Variants in PRKCH observed in about 807,000 individuals in gnomAD.
PRKCH encodes the protein protein kinase C eta type.
In PRKCH, 28 loss-of-function variants were observed where a neutral mutation model predicts 82.5. That is an observed-to-expected ratio of 0.34 (90% CI 0.25 to 0.47). PRKCH has a LOEUF of 0.47. Ranked by LOEUF, PRKCH falls within the 20% of genes least tolerant of loss-of-function variation. The pLI, the probability that PRKCH is intolerant of heterozygous loss-of-function variation, is 1.00. For missense variants in PRKCH, 705 were observed against 881.8 expected (o/e 0.80, Z 2.54); for synonymous variants, 322 against 327.4 (o/e 0.98, Z 0.18).
At chr14:61,532,931 G>C (rs921987112) in intron 12 of PRKCH, among the ~76,000 whole-genome samples, 1 of 152,162 alleles carries the variant, frequency 6.6e-6, no homozygotes, top group Non-Finnish European at 1.5e-5. Flanking sequence ...CAGCAGCTGC[G>C]ATTGTTACAT....
chr14:61,457,369 TG>T (rs72159054), intron 8 of PRKCH, 50 bp downstream of exon 8: 2 of 1,599,714 alleles, frequency 1.3e-6, no homozygotes, highest in Non-Finnish European at 1.7e-6. Context: ...GCTCTGTGTA[TG>T]GGGGGTGTGT....
At chr14:61,355,369 C>T (rs2046135001) in intron 1 of PRKCH, among the ~76,000 whole-genome samples, 1 of 151,666 alleles carries the variant, frequency 6.6e-6, no homozygotes, top group Admixed American at 6.6e-5. Flanking sequence ...TCTTCAGCAT[C>T]CCCTTTTTCC....
chr14:61,456,965 T>C (rs1884794760), intron 7 of PRKCH: 1 of 520,050 alleles, frequency 1.9e-6, no homozygotes, highest in Non-Finnish European at 3.4e-6. Flanking sequence ...TATTTTTAAT[T>C]GACCTTTTAC....
intron 10 of PRKCH, among the ~76,000 whole-genome samples, chr14:61,511,451 A>G (rs1366775785): frequency 6.6e-6 from 1 of 151,828 alleles, no homozygotes; most frequent in African/African-American, 2.4e-5. Context: ...GCAGCCCCCC[A>G]CCCAGAACTG....
intron 9 of PRKCH, among the ~76,000 whole-genome samples, chr14:61,462,500 G>C (rs1435672440): frequency 6.6e-6 from 1 of 152,174 alleles, no homozygotes; most frequent in African/African-American, 2.4e-5. Flanking sequence ...GCAAGGTATC[G>C]GACTCCACAG....
intron 10 of PRKCH, among the ~76,000 whole-genome samples, chr14:61,489,869 A>T (rs1886384273): frequency 6.6e-6 from 1 of 152,146 alleles, no homozygotes; most frequent in African/African-American, 2.4e-5. Context: ...TTAAAGGGAA[A>T]CTCAGCTGTC....
intron 1 of PRKCH, among the ~76,000 whole-genome samples, chr14:61,225,979 G>A (rs1256009368): frequency 6.6e-6 from 1 of 152,056 alleles, no homozygotes; most frequent in Non-Finnish European, 1.5e-5. Flanking sequence ...TAATCTCAGG[G>A]GTGGGAATGT....
At chr14:61,438,155 G>C (rs1212851103) in intron 2 of PRKCH, among the ~76,000 whole-genome samples, 1 of 152,100 alleles carries the variant, frequency 6.6e-6, no homozygotes, top group African/African-American at 2.4e-5. Context: ...GGGCCACCGA[G>C]CTTATAAGGG....
At chr14:61,421,787 G>A (rs966122319) in intron 2 of PRKCH, among the ~76,000 whole-genome samples, 3 of 152,212 alleles carry the variant, frequency 2.0e-5, no homozygotes, top group African/African-American at 7.2e-5. Context: ...GGCATAGGTG[G>A]TGCTGTGTGG....
chr14:61,245,244 G>A, intron 1 of PRKCH, among the ~76,000 whole-genome samples: 1 of 152,172 alleles, frequency 6.6e-6, no homozygotes, highest in East Asian at 1.9e-4. Context: ...GACAGCATAA[G>A]CATGAGGCAA....
At chr14:61,258,879 T>C (rs1449208130) in intron 1 of PRKCH, among the ~76,000 whole-genome samples, 3 of 152,228 alleles carry the variant, frequency 2.0e-5, no homozygotes, top group African/African-American at 7.2e-5. Flanking sequence ...CAAGGTGAAA[T>C]AAGCTAATTT....
rs1225165840 is a variant in PRKCH at position 61,549,728 on chromosome 14, A to G, written c.1949A>G (p.Lys650Arg). ...DVSNFDPDFI[K>R]EEPVLTPIDE... ...AGTAATTTTGACCCTGACTTCATAAAGGAAGAGCCAGTTTTAACTCCAATT... is the reference window on the plus strand; with the variant it reads ...AGTAATTTTGACCCTGACTTCATAAGGGAAGAGCCAGTTTTAACTCCAATT... Residue 650 changes from lysine to arginine, a missense_variant, in exon 14 of 14, where the codon AAG (lysine) becomes AGG (arginine). By Grantham distance (26) the Lys-to-Arg change is conservative. Around this residue, in one of 5 missense-constraint regions of PRKCH, gnomAD observed 91 missense variants for 81.2 expected, o/e 1.12. Transcript: ENST00000332981. 4 of 1,613,936 alleles carry G rather than the reference A, an allele frequency of 2.5e-6. No homozygotes were observed. The highest frequency in any genetic ancestry group is 1.7e-6 in the Non-Finnish European group (2 of 1,180,010).
chr14:61,251,224 T>C (rs1220086825), intron 1 of PRKCH, among the ~76,000 whole-genome samples: 2 of 152,192 alleles, frequency 1.3e-5, no homozygotes, highest in African/African-American at 4.8e-5. Context: ...CCAGCTAGAC[T>C]CTTTTATTTT....
At chr14:61,423,548 T>A (rs992944942) in intron 2 of PRKCH, among the ~76,000 whole-genome samples, 1 of 152,162 alleles carries the variant, frequency 6.6e-6, no homozygotes, top group Non-Finnish European at 1.5e-5. Flanking sequence ...TTTATGAGGT[T>A]TGGCTTTAGA....
At chr14:61,420,518 G>A (rs182346417) in intron 2 of PRKCH, among the ~76,000 whole-genome samples, 1 of 152,314 alleles carries the variant, frequency 6.6e-6, no homozygotes. Flanking sequence ...TGTCTCCCCG[G>A]CAGACTCATC....
intron 1 of PRKCH, among the ~76,000 whole-genome samples, chr14:61,263,850 TGTG>T (rs1566798994): frequency 6.3e-4 from 2 of 3,172 alleles, no homozygotes; most frequent in Admixed American, 4.9e-3. Flanking sequence ...CAGAGTATTG[TGTG>T]TGTGTGTGTG....
At chr14:61,418,138 C>T (rs1031424385) in intron 2 of PRKCH, among the ~76,000 whole-genome samples, 1 of 152,232 alleles carries the variant, frequency 6.6e-6, no homozygotes, top group Non-Finnish European at 1.5e-5. Context: ...TCTGCGCTTA[C>T]ATTCACACAC....
intron 1 of PRKCH, among the ~76,000 whole-genome samples, chr14:61,272,953 A>G (rs2045171371): frequency 6.6e-6 from 1 of 152,194 alleles, no homozygotes; most frequent in Admixed American, 6.5e-5. Flanking sequence ...GCCATGTCTT[A>G]ACTTGATTTC....
chr14:61,500,904 G>C (rs1233748390), intron 10 of PRKCH, among the ~76,000 whole-genome samples: 1 of 152,124 alleles, frequency 6.6e-6, no homozygotes, highest in Non-Finnish European at 1.5e-5. Context: ...CTCAAAGTTG[G>C]AAATACCAGG....
Sources: allele counts gnomAD v4.1 joint callset (sites outside exome capture counted in the v4.1 genomes callset), GRCh38; gene constraint gnomAD v4.1.1; regional missense constraint gnomAD v4.1.1; transcripts MANE v1.5; gene names NCBI Gene and HGNC (gene_info 2026-07-23, HGNC 2026-07-21).